Variants in CNIH3 observed in about 807,000 individuals in gnomAD.
CNIH3 encodes the protein protein cornichon homolog 3.
Under a neutral mutation model 24.1 loss-of-function variants are expected in CNIH3, and 14 were observed. The observed-to-expected ratio is 0.58, with a 90% CI of 0.38 to 0.91. The LOEUF is 0.91. Ranked by LOEUF, CNIH3 falls within the 40% of genes least tolerant of loss-of-function variation. The pLI, the probability that CNIH3 is intolerant of heterozygous loss-of-function variation, is 0.00. For synonymous variants in CNIH3, 68 were observed against 73.8 expected, an observed-to-expected ratio of 0.92 and a Z score of 0.40; for missense variants, 178 against 196.8, an observed-to-expected ratio of 0.90 and a Z score of 0.57.
rs1341692465 is a variant in CNIH3 at position 224,502,423 on chromosome 1, A to G, written n.204-13318A>G. 2.0e-5 allele frequency among the ~76,000 whole-genome samples: 3 copies of G among 152,318 alleles called. No individual in the cohort carries two copies. The East Asian group carries it at 5.8e-4, about 29-fold the overall frequency. The stretch of plus-strand genomic sequence containing the variant: ...GCTCTCCTGAAAGGCACAGCCATGG[A>G]GCAAGAGCCGAAAGCCTTTTATTTG... On this transcript the variant is annotated intron_variant and non_coding_transcript_variant, in intron 1 of 5. Transcript: ENST00000471578.
At chr1:224,520,206 A>G (rs1678569822) in intron 1 of CNIH3, among the ~76,000 whole-genome samples, 1 of 152,242 alleles carries the variant, frequency 6.6e-6, no homozygotes, top group African/African-American at 2.4e-5. Context: ...GTGAAAGTAC[A>G]TAAAATTTTA....
intron 3 of CNIH3, among the ~76,000 whole-genome samples, chr1:224,694,473 T>A (rs1687073616): frequency 6.6e-6 from 1 of 152,162 alleles, no homozygotes. Flanking sequence ...TAGATTCCTA[T>A]CCACCCAGGA....
intron 3 of CNIH3, among the ~76,000 whole-genome samples, chr1:224,564,566 A>G (rs1307054848): frequency 6.6e-6 from 1 of 152,258 alleles, no homozygotes; most frequent in Admixed American, 6.5e-5. Context: ...TAAAACTTGA[A>G]GAGGATGAGA....
intron 1 of CNIH3, among the ~76,000 whole-genome samples, chr1:224,666,407 A>G (rs749168451): frequency 6.6e-6 from 1 of 152,162 alleles, no homozygotes; most frequent in Non-Finnish European, 1.5e-5. Context: ...CTATTTTTCC[A>G]TTGAAGTATT....
At position 224,730,547 on chromosome 1, in the gene CNIH3, T is replaced by C; in HGVS notation, c.284T>C (p.Val95Ala). The C allele has an allele frequency of 6.4e-7, 1 of 1,556,490 alleles. No homozygotes were observed. Among genetic ancestry groups the C allele is most frequent in the Non-Finnish European group, 8.7e-7 (1 of 1,148,568 alleles). Residue 95 changes from valine to alanine, a missense_variant, in exon 4 of 6, where the codon GTC (valine) becomes GCC (alanine). Val to Ala is a moderately conservative substitution (Grantham distance 64). Transcript: ENST00000272133. ...AQEWLTLGLN[V>A]PLLFYHFWRY... ...GAGTGGCTCACGCTGGGGCTGAATG[T>C]CCCTCTACTTTTCTATCACTTCTGG...
intron 1 of CNIH3, among the ~76,000 whole-genome samples, chr1:224,479,266 G>A (rs1033609753): frequency 1.2e-4 from 17 of 144,976 alleles, no homozygotes; most frequent in African/African-American, 4.4e-4. Context: ...TGATTCTCCT[G>A]CCTCAGCCTC....
At chr1:224,624,329 G>T (rs1374783530) in intron 1 of CNIH3, among the ~76,000 whole-genome samples, 2 of 152,056 alleles carry the variant, frequency 1.3e-5, no homozygotes, top group Admixed American at 1.3e-4. Flanking sequence ...TCCCCTGTGG[G>T]TTCTTCTTTC....
chr1:224,588,422 T>A (rs973867136), exon 6 of CNIH3: 2 of 152,168 alleles, frequency 1.3e-5, no homozygotes, highest in East Asian at 3.8e-4. Context: ...GCTCAGCTCA[T>A]GGAGCAAGGA....
At chr1:224,574,730 C>A in intron 4 of CNIH3, 1 of 1,199,928 alleles carries the variant, frequency 8.3e-7, no homozygotes, top group Non-Finnish European at 1.2e-6. Context: ...TGCTCATTGA[C>A]CTGAAGCTGG....
chr1:224,462,720 G>A (rs1410471984), intron 1 of CNIH3, among the ~76,000 whole-genome samples: 1 of 139,568 alleles, frequency 7.2e-6, no homozygotes, highest in Non-Finnish European at 1.5e-5. Flanking sequence ...GCTCACCAGA[G>A]CCTCGACCTC....
chr1:224,476,727 C>T (rs1558092835), intron 1 of CNIH3, among the ~76,000 whole-genome samples: 1 of 152,044 alleles, frequency 6.6e-6, no homozygotes, highest in Non-Finnish European at 1.5e-5. Flanking sequence ...TCCATACCAC[C>T]CAAAGCAATC....
At chr1:224,647,978 A>T (rs1301630320) in intron 1 of CNIH3, among the ~76,000 whole-genome samples, 1 of 152,104 alleles carries the variant, frequency 6.6e-6, no homozygotes, top group East Asian at 1.9e-4. Flanking sequence ...ATTTTTGGAG[A>T]CATATACTGA....
At chr1:224,695,176 T>C (rs996611107) in intron 3 of CNIH3, among the ~76,000 whole-genome samples, 3 of 152,222 alleles carry the variant, frequency 2.0e-5, no homozygotes, top group African/African-American at 7.2e-5. Context: ...AAGGCCTTAC[T>C]GGAGCAGAAA....
At chr1:224,592,164 G>T (rs1681787794), downstream of CNIH3, among the ~76,000 whole-genome samples, 1 of 149,980 alleles carries the variant, frequency 6.7e-6, no homozygotes, top group Non-Finnish European at 1.5e-5. Context: ...GTGTGTGTAT[G>T]TGTGTGTGTG....
At chr1:224,634,293 G>GA (rs549283791) in intron 1 of CNIH3, among the ~76,000 whole-genome samples, 264 of 152,258 alleles carry the variant, frequency 1.7e-3, no homozygotes, top group Non-Finnish European at 3.3e-3. Flanking sequence ...TTAAGAATAA[G>GA]AAAAAAGAGG....
intron 2 of CNIH3, among the ~76,000 whole-genome samples, chr1:224,542,751 TG>T (rs1244363830): frequency 6.6e-6 from 1 of 152,210 alleles, no homozygotes; most frequent in Non-Finnish European, 1.5e-5. Flanking sequence ...AGAATGCCAC[TG>T]TAAGCTCCAC....
intron 1 of CNIH3, among the ~76,000 whole-genome samples, chr1:224,628,909 T>A (rs1025145927): frequency 5.9e-5 from 9 of 151,800 alleles, no homozygotes; most frequent in Non-Finnish European, 1.0e-4. Flanking sequence ...TCAGAAAAAA[T>A]TTAAATCTAC....
At chr1:224,500,307 T>C (rs751457016) in intron 1 of CNIH3, among the ~76,000 whole-genome samples, 86 of 152,280 alleles carry the variant, frequency 5.6e-4, no homozygotes, top group South Asian at 8.3e-4. Flanking sequence ...CCACTGTGCC[T>C]GGCCACAATT....
At chr1:224,656,653 G>A (rs1220015943) in intron 1 of CNIH3, among the ~76,000 whole-genome samples, 4 of 152,108 alleles carry the variant, frequency 2.6e-5, no homozygotes, top group African/African-American at 9.7e-5. Context: ...AGATGAGTGG[G>A]TGGTCAGCAG....
Sources: allele counts gnomAD v4.1 joint callset (sites outside exome capture counted in the v4.1 genomes callset), GRCh38; gene constraint gnomAD v4.1.1; transcripts MANE v1.5; gene names NCBI Gene and HGNC (gene_info 2026-07-23, HGNC 2026-07-21).